The following VSX2 variants were observed in gnomAD, a reference collection of about 807,000 sequenced individuals.
VSX2 encodes the protein visual system homeobox 2, also known as ceh-10 homeo domain containing homolog.
A neutral mutation model predicts 32.1 loss-of-function variants in VSX2; 28 were observed. The observed-to-expected ratio is 0.87, with a 90% CI of 0.65 to 1.20. VSX2 has a LOEUF of 1.20. Among genes scored for constraint, VSX2 ranks in the 50% most tolerant of loss-of-function variants. The pLI is 0.00. For missense variants in VSX2, 506 were observed against 488.7 expected (o/e 1.04, Z -0.33); for synonymous variants, 243 against 214.1 (o/e 1.14, Z -1.18).
intron 2 of VSX2, among the ~76,000 whole-genome samples, chr14:74,244,349 G>C (rs1359268242): frequency 6.6e-6 from 1 of 152,130 alleles, no homozygotes; most frequent in Non-Finnish European, 1.5e-5. Context: ...GTATGGGATG[G>C]TTGGAAGGTG....
rs114337802 is a variant in VSX2 at position 74,243,777 on chromosome 14, C to A, written c.456-1388C>A. ...ATTTTCTGCAAAGAGCACAATCTTT[C>A]TTCCCTGAATTATCCCCCGAGATAT... On this transcript the variant is annotated intron_variant, in intron 2 of 4. Coordinates refer to ENST00000261980, the MANE Select transcript of VSX2 (RefSeq NM_182894.3). Among the ~76,000 whole-genome samples the A allele has an allele frequency of 4.1e-3, 622 of 151,980 alleles. 12 individuals are homozygous for A. Among genetic ancestry groups the A allele is most frequent in the African/African-American group, 0.014 (598 of 41,438 alleles).
rs774083259 is a variant in VSX2, at chr14:74,260,755, G to C, written c.922G>C (p.Val308Leu). 1.9e-6 allele frequency: 3 copies of C among 1,589,730 alleles called. No individual in the cohort carries two copies. The change falls in exon 5 of 5, where the codon GTG (valine) becomes CTG (leucine). Residue 308 changes from valine (V) to leucine (L), a missense_variant. Coordinates refer to ENST00000261980, the MANE Select transcript of VSX2 (RefSeq NM_182894.3). ...QEELRENSIA[V>L]LRAKAQEHST... Reference sequence around the variant, plus strand: ...GGAACTGAGGGAGAACAGCATTGCGGTGCTCCGGGCCAAAGCTCAGGAGCA... The same window carrying C: ...GGAACTGAGGGAGAACAGCATTGCGCTGCTCCGGGCCAAAGCTCAGGAGCA...
intron 2 of VSX2, 127 bp downstream of exon 2, chr14:74,241,393 C>T: frequency 4.8e-6 from 5 of 1,048,828 alleles, no homozygotes; most frequent in South Asian, 2.6e-5. Flanking sequence ...CGTGCCAGGG[C>T]GCAGACCACG....
At chr14:74,260,474 G>C (rs1342964250) in intron 4 of VSX2, 120 bp from the exon 5 acceptor site, 1 of 1,038,142 alleles carries the variant, frequency 9.6e-7, no homozygotes, top group Non-Finnish European at 1.5e-6. Context: ...TGACTGCGGT[G>C]TGGGGAGTAA....
intron 3 of VSX2, among the ~76,000 whole-genome samples, chr14:74,250,644 G>A (rs928261607): frequency 2.0e-5 from 3 of 152,016 alleles, no homozygotes; most frequent in African/African-American, 4.8e-5. Context: ...ATGGGTGCTT[G>A]AGTAGGGAAG....
intron 1 of VSX2, among the ~76,000 whole-genome samples, chr14:74,240,591 G>C (rs2079142776): frequency 6.6e-6 from 1 of 152,148 alleles, no homozygotes; most frequent in South Asian, 2.1e-4. Flanking sequence ...CGGCCCGCTC[G>C]AACCTCCGAT....
chr14:74,240,221 T>A (rs1162544545), intron 1 of VSX2, among the ~76,000 whole-genome samples: 2 of 152,050 alleles, frequency 1.3e-5, no homozygotes, highest in Non-Finnish European at 2.9e-5. Context: ...GAAAACTGGG[T>A]TTGGGGTGTC....
chr14:74,239,552 G>T lies in VSX2; in HGVS notation c.-10G>T. On this transcript the variant is annotated 5_prime_UTR_variant, in exon 1 of 5. Transcript: ENST00000261980. Reference sequence around the variant, plus strand: ...GACCTGCGGCCTCAGCCCCTCCAAAGAACAGGGAGATGACGGGGAAAGCAG... The same window carrying T: ...GACCTGCGGCCTCAGCCCCTCCAAATAACAGGGAGATGACGGGGAAAGCAG... The T allele has an allele frequency of 6.4e-7, 1 of 1,551,040 alleles. No individual in the cohort carries two copies. The highest frequency in any genetic ancestry group is 1.2e-5 in the South Asian group (1 of 84,060).
At chr14:74,254,808 C>G (rs946162010) in intron 3 of VSX2, among the ~76,000 whole-genome samples, 2 of 59,708 alleles carry the variant, frequency 3.3e-5, no homozygotes, top group African/African-American at 7.3e-5. Context: ...GAGACGCAGT[C>G]TTGCTCTGTC....
At chr14:74,260,032 T>A (rs2079294308) in intron 4 of VSX2, among the ~76,000 whole-genome samples, 2 of 152,182 alleles carry the variant, frequency 1.3e-5, no homozygotes, top group South Asian at 4.1e-4. Context: ...GTGGATTATT[T>A]TGTCCTGTGA....
chr14:74,248,334 TAAAA>T (rs781035795), intron 3 of VSX2, among the ~76,000 whole-genome samples: 2 of 84,746 alleles, frequency 2.4e-5, no homozygotes, highest in African/African-American at 9.4e-5. Context: ...GAGACCAGGC[TAAAA>T]AAAAAAAAAA....
At chr14:74,255,805 C>T (rs931358261) in intron 3 of VSX2, among the ~76,000 whole-genome samples, 2 of 152,134 alleles carry the variant, frequency 1.3e-5, no homozygotes, top group African/African-American at 4.8e-5. Context: ...CTCCAGAAAC[C>T]CTAAGTCCAA....
chr14:74,260,358 G>A (rs898217566), intron 4 of VSX2, among the ~76,000 whole-genome samples: 1 of 152,204 alleles, frequency 6.6e-6, no homozygotes, highest in Non-Finnish European at 1.5e-5. Context: ...GACAGAACAG[G>A]CCACCCGAGG....
At chr14:74,255,394 A>G (rs1202701259) in intron 3 of VSX2, among the ~76,000 whole-genome samples, 3 of 152,208 alleles carry the variant, frequency 2.0e-5, no homozygotes, top group Non-Finnish European at 4.4e-5. Context: ...GGTTTCCTCT[A>G]TAAATTGGAG....
In VSX2 at chr14:74,239,880, C is replaced by T; in HGVS notation, c.319C>T (p.Pro107Ser). The T allele has an allele frequency of 6.3e-7, 1 of 1,575,942 alleles. No individual in the cohort carries two copies. ...CGACCCGCAGAGCGTCCACTTGCAG[C>T]CATTGGGCAGAGCATCGGGGCCGCT... ...LSDPQSVHLQ[P>S]LGRASGPLDT... is the part of the protein sequence containing the mutation. The change falls in exon 1 of 5, where the codon CCA (proline) becomes TCA (serine). Residue 107 changes from proline to serine, a missense_variant. By Grantham distance (74) the Pro-to-Ser change is moderately conservative. Coordinates refer to ENST00000261980, the MANE Select transcript of VSX2 (RefSeq NM_182894.3).
chr14:74,262,736 ATAG>A (rs1266718586), exon 5 of VSX2: 7 of 152,216 alleles, frequency 4.6e-5, no homozygotes, highest in Non-Finnish European at 8.8e-5. Context: ...TGACTTAAAA[ATAG>A]TAGGGGAGAA....
At chr14:74,258,936 G>A (rs531935319) in intron 3 of VSX2, among the ~76,000 whole-genome samples, 68 of 152,318 alleles carry the variant, frequency 4.5e-4, no homozygotes, top group Non-Finnish European at 8.2e-4. Flanking sequence ...ACTATTCAGA[G>A]TTAGGCTCGG....
intron 3 of VSX2, among the ~76,000 whole-genome samples, chr14:74,246,362 T>TG (rs2079191861): frequency 6.6e-6 from 1 of 152,088 alleles, no homozygotes; most frequent in Non-Finnish European, 1.5e-5. Flanking sequence ...GTAAGGTGTG[T>TG]GGGTTGCTCT....
At chr14:74,242,615 GTC>G (rs1413561451) in intron 2 of VSX2, among the ~76,000 whole-genome samples, 1 of 86,714 alleles carries the variant, frequency 1.2e-5, no homozygotes, top group Non-Finnish European at 2.6e-5. Context: ...TTGATCTTTG[GTC>G]TTTTTTTTTT....
Sources: gnomAD v4.1 joint callset for allele counts (sites outside exome capture counted in the v4.1 genomes callset) on GRCh38, gnomAD v4.1.1 for gene constraint, MANE v1.5 for transcripts, NCBI Gene and HGNC (gene_info 2026-07-23, HGNC 2026-07-21) for gene names.